Variants in LRRC4B observed in about 807,000 individuals in gnomAD.
LRRC4B encodes leucine-rich repeat-containing protein 4B.
A neutral mutation model predicts 7.3 loss-of-function variants in LRRC4B; 1 was observed. The ratio of observed to expected loss-of-function variants is 0.14; its 90% CI spans 0.05 to 0.65. LRRC4B has a LOEUF of 0.65. Ranked by LOEUF, LRRC4B falls within the 30% of genes least tolerant of loss-of-function variation. The pLI is 0.84. For synonymous variants in LRRC4B, 500 were observed against 499.2 expected (o/e 1.00, Z -0.02); for missense variants, 730 against 1,041.6 (o/e 0.70, Z 4.12).
chr19:50,554,711 C>T (rs1982213468), intron 1 of LRRC4B, among the ~76,000 whole-genome samples: 1 of 152,232 alleles, frequency 6.6e-6, no homozygotes, highest in Admixed American at 6.5e-5. Flanking sequence ...ATTCTGGGAG[C>T]TTTACTTGCA....
Position 50,568,377 on chromosome 19 carries a change from C to T in LRRC4B, c.-469G>A, listed in dbSNP as rs1342655800. 1.4e-5 allele frequency among the ~76,000 whole-genome samples: 2 copies of T among 146,836 alleles called. No individual in the cohort carries two copies. The highest frequency in any genetic ancestry group is 3.0e-5 in the Non-Finnish European group (2 of 65,994). On this transcript the variant is annotated 5_prime_UTR_variant, in exon 1 of 3. Coordinates refer to ENST00000652263, the MANE Select transcript of LRRC4B (RefSeq NM_001080457.2). ...CCGGCCCCGGCCCCGGCCCCCGCCT[C>T]GGACGGTGCGGCAGCGACCGAGAGC...
chr19:50,526,576 C>T (rs1980816057), intron 2 of LRRC4B, among the ~76,000 whole-genome samples: 1 of 152,190 alleles, frequency 6.6e-6, no homozygotes, highest in East Asian at 1.9e-4. Flanking sequence ...GGCGCAGTGG[C>T]TTACGCCTGT....
At chr19:50,550,082 G>A (rs1426430424) in intron 1 of LRRC4B, among the ~76,000 whole-genome samples, 2 of 152,196 alleles carry the variant, frequency 1.3e-5, no homozygotes, top group Non-Finnish European at 2.9e-5. Flanking sequence ...CCCTTGCAAT[G>A]CAGCAAACTG....
At chr19:50,564,477 G>A (rs111605126) in intron 1 of LRRC4B, among the ~76,000 whole-genome samples, 41 of 152,052 alleles carry the variant, frequency 2.7e-4, no homozygotes, top group Non-Finnish European at 5.0e-4. Context: ...CACAGAGAGC[G>A]GTGTCGAGCA....
intron 1 of LRRC4B, among the ~76,000 whole-genome samples, chr19:50,562,742 GTT>G (rs552875438): frequency 1.6e-5 from 2 of 128,360 alleles, no homozygotes; most frequent in African/African-American, 3.0e-5. Context: ...TTTTTTTTTT[GTT>G]TTTTTTTTTT....
chr19:50,543,870 A>AG (rs1464533806), intron 2 of LRRC4B, among the ~76,000 whole-genome samples: 41 of 139,034 alleles, frequency 2.9e-4, no homozygotes, highest in Admixed American at 9.8e-4. Context: ...AAAAAAAAAA[A>AG]AAAGAAAGAA....
intron 1 of LRRC4B, chr19:50,557,803 C>T (rs1229805364): frequency 1.3e-5 from 2 of 152,100 alleles, no homozygotes; most frequent in African/African-American, 2.4e-5. Context: ...TCGTGTGGTC[C>T]ACTTATATGT....
chr19:50,566,888 T>C (rs1366207584), intron 1 of LRRC4B, among the ~76,000 whole-genome samples: 1 of 140,364 alleles, frequency 7.1e-6, no homozygotes, highest in Admixed American at 7.1e-5. Flanking sequence ...ACTGGGGGTG[T>C]TGGGGAGAAA....
rs759754125 is a variant in LRRC4B at position 50,548,278 on chromosome 19, G to C, written c.297+264C>G. On this transcript the variant is annotated intron_variant, in intron 2 of 2. Transcript: ENST00000652263. The surrounding 1 kb of genome is among the most constrained non-coding windows in gnomAD (Gnocchi z 6.8). ...TAGGCCGACCCGCCTGTCCTGTGCCGGGGGGGCTGGGCAGGTGGCCTGCAC... is the reference window on the plus strand; with the variant it reads ...TAGGCCGACCCGCCTGTCCTGTGCCCGGGGGGCTGGGCAGGTGGCCTGCAC... Among the ~76,000 whole-genome samples the C allele has an allele frequency of 8.8e-4, 134 of 152,194 alleles. No individual in the cohort carries two copies. Among genetic ancestry groups the C allele is most frequent in the Admixed American group, 1.5e-3 (23 of 15,304 alleles).
At chr19:50,546,217 C>T (rs897104359) in intron 2 of LRRC4B, among the ~76,000 whole-genome samples, 8 of 152,040 alleles carry the variant, frequency 5.3e-5, no homozygotes, top group African/African-American at 1.7e-4. Context: ...CGCCTGTAAT[C>T]CCAGCTACTC....
intron 2 of LRRC4B, among the ~76,000 whole-genome samples, chr19:50,545,098 C>T (rs1370575368): frequency 2.0e-4 from 28 of 137,346 alleles, no homozygotes; most frequent in South Asian, 2.4e-4. Flanking sequence ...GGCAACAGAG[C>T]GAAGACTCCA....
At position 50,556,686 on chromosome 19, in the gene LRRC4B, C is replaced by G. The variant is rs1462065599; in HGVS notation, c.-35-7813G>C. 6.6e-6 allele frequency among the ~76,000 whole-genome samples: 1 copy of G among 152,194 alleles called. No individual in the cohort carries two copies. The highest frequency in any genetic ancestry group is 1.5e-5 in the Non-Finnish European group (1 of 68,038). On this transcript the variant is annotated intron_variant, in intron 1 of 2. Coordinates refer to ENST00000652263, the MANE Select transcript of LRRC4B (RefSeq NM_001080457.2). The surrounding 1 kb of genome is among the most constrained non-coding windows in gnomAD (Gnocchi z 4.2). Reference sequence around the variant, plus strand: ...TTGCCGCGGCGTCCACGGCTGCATCCTCAAGGCCGGCCAACGGCGCTGGCC... The same window carrying G: ...TTGCCGCGGCGTCCACGGCTGCATCGTCAAGGCCGGCCAACGGCGCTGGCC...
At chr19:50,536,437 C>T (rs142494928) in intron 2 of LRRC4B, among the ~76,000 whole-genome samples, 1 of 152,274 alleles carries the variant, frequency 6.6e-6, no homozygotes, top group Non-Finnish European at 1.5e-5. Flanking sequence ...CCGGATGAGA[C>T]TTGCCGACTT....
intron 2 of LRRC4B, among the ~76,000 whole-genome samples, chr19:50,538,080 G>A (rs1322449026): frequency 6.6e-6 from 1 of 152,028 alleles, no homozygotes; most frequent in Non-Finnish European, 1.5e-5. Context: ...CCTTTTTTGA[G>A]ATGGAGTCTC....
intron 2 of LRRC4B, among the ~76,000 whole-genome samples, chr19:50,543,463 G>A (rs1479066964): frequency 2.0e-5 from 3 of 151,840 alleles, no homozygotes; most frequent in East Asian, 1.9e-4. Context: ...CAGAAACTCC[G>A]CTTCTAGGAA....
At chr19:50,557,447 C>T (rs1013202050) in intron 1 of LRRC4B, among the ~76,000 whole-genome samples, 5 of 152,206 alleles carry the variant, frequency 3.3e-5, no homozygotes, top group Admixed American at 3.3e-4. Context: ...TTTGGGCCAG[C>T]TGCAGCCTCT....
At chr19:50,528,517 G>A in intron 2 of LRRC4B, among the ~76,000 whole-genome samples, 1 of 152,084 alleles carries the variant, frequency 6.6e-6, no homozygotes, top group Non-Finnish European at 1.5e-5. Flanking sequence ...GCTAATTTTT[G>A]TATTTTTAGT....
intron 2 of LRRC4B, among the ~76,000 whole-genome samples, chr19:50,526,695 T>TA (rs566904699): frequency 2.4e-4 from 37 of 152,154 alleles, no homozygotes; most frequent in Non-Finnish European, 4.9e-4. Context: ...AAAAAATTGT[T>TA]AAAAAGTAAT....
At chr19:50,520,236 A>AG (rs1980509490) in intron 2 of LRRC4B, among the ~76,000 whole-genome samples, 4 of 66,738 alleles carry the variant, frequency 6.0e-5, no homozygotes, top group Admixed American at 2.0e-4. Context: ...AAAAAAAAAA[A>AG]AAAAAAAAAA....
Sources: allele counts gnomAD v4.1 joint callset (sites outside exome capture counted in the v4.1 genomes callset), GRCh38; gene constraint gnomAD v4.1.1; non-coding constraint Gnocchi (gnomAD v3.1); transcripts MANE v1.5; gene names NCBI Gene and HGNC (gene_info 2026-07-23, HGNC 2026-07-21).